The following RAPH1 variants were observed in gnomAD, a reference collection of about 807,000 sequenced individuals.
The protein encoded by RAPH1 is ras-associated and pleckstrin homology domains-containing protein 1.
A neutral mutation model predicts 88.1 loss-of-function variants in RAPH1; 18 were observed. The observed-to-expected ratio is 0.20, with a 90% CI of 0.14 to 0.30. RAPH1 has a LOEUF of 0.30. Ranked by LOEUF, RAPH1 falls within the 10% of genes least tolerant of loss-of-function variation. RAPH1 has a pLI of 1.00. For synonymous variants in RAPH1, 587 were observed against 559.0 expected, an observed-to-expected ratio of 1.05 and a Z score of -0.71; for missense variants, 1,448 against 1,543.2, an observed-to-expected ratio of 0.94 and a Z score of 1.03.
chr2:203,458,143 G>A (rs543263603), intron 7 of RAPH1, among the ~76,000 whole-genome samples: 7 of 152,222 alleles, frequency 4.6e-5, no homozygotes, highest in East Asian at 3.9e-4. Context: ...AGGCCAAGGC[G>A]GGTGGATCAC....
chr2:203,455,704 G>T, intron 8 of RAPH1, 124 bp from the exon 9 acceptor site: 1 of 885,580 alleles, frequency 1.1e-6, no homozygotes, highest in Non-Finnish European at 1.7e-6. Flanking sequence ...AAACCAAGCT[G>T]CTAATTTAAC....
chr2:203,470,041 C>T (rs2098531688), intron 4 of RAPH1, among the ~76,000 whole-genome samples: 1 of 152,064 alleles, frequency 6.6e-6, no homozygotes, highest in Admixed American at 6.6e-5. Context: ...ATGAAAATTA[C>T]TGAAAATATT....
intron 10 of RAPH1, among the ~76,000 whole-genome samples, chr2:203,450,016 TC>T (rs2098513401): frequency 7.0e-6 from 1 of 143,764 alleles, no homozygotes; most frequent in Non-Finnish European, 1.5e-5. Context: ...GAGCGAGACT[TC>T]GTCTCCAAAA....
intron 1 of RAPH1, among the ~76,000 whole-genome samples, chr2:203,529,019 T>A (rs1489612609): frequency 1.5e-5 from 2 of 129,528 alleles, no homozygotes; most frequent in Non-Finnish European, 3.2e-5. Context: ...TTTTTTTTTT[T>A]TTTTTTTTTT....
chr2:203,503,658 A>T (rs970079383), intron 1 of RAPH1, among the ~76,000 whole-genome samples: 1 of 152,164 alleles, frequency 6.6e-6, no homozygotes, highest in Non-Finnish European at 1.5e-5. Context: ...ATGCCTTCCC[A>T]ACAGTCTCCC....
At chr2:203,458,872 C>T (rs973929636) in intron 7 of RAPH1, among the ~76,000 whole-genome samples, 70 of 152,052 alleles carry the variant, frequency 4.6e-4, no homozygotes, top group Non-Finnish European at 9.7e-4. Flanking sequence ...ACACCATTCT[C>T]CTGCCTCAGC....
chr2:203,455,734 C>A (rs978973956), intron 8 of RAPH1, among the ~76,000 whole-genome samples, 154 bp from the exon 9 acceptor site: 1 of 152,038 alleles, frequency 6.6e-6, no homozygotes, highest in Non-Finnish European at 1.5e-5. Context: ...AACTTTCCAG[C>A]CAGGTGTAGT....
chr2:203,505,505 G>C (rs1471292225), intron 1 of RAPH1, among the ~76,000 whole-genome samples: 1 of 151,982 alleles, frequency 6.6e-6, no homozygotes, highest in African/African-American at 2.4e-5. Context: ...GTTGAGATTT[G>C]GGTGGGGACA....
chr2:203,510,837 T>C (rs1689305933), intron 1 of RAPH1, among the ~76,000 whole-genome samples: 2 of 152,144 alleles, frequency 1.3e-5, no homozygotes, highest in African/African-American at 4.8e-5. Flanking sequence ...GGCAGGAGGA[T>C]TGCTTGAGCC....
intron 1 of RAPH1, among the ~76,000 whole-genome samples, chr2:203,506,862 A>ATCTATATATATATCTATATCTATATATC (rs1450716938): frequency 1.3e-5 from 1 of 76,636 alleles, no homozygotes; most frequent in African/African-American, 6.0e-5. Context: ...ATATCTATAT[A>ATCTATATATATATCTATATCTATATATC]TATATATATA....
intron 4 of RAPH1, chr2:203,477,125 T>G: frequency 6.2e-7 from 1 of 1,614,016 alleles, no homozygotes; most frequent in Non-Finnish European, 8.5e-7. Flanking sequence ...ACGCTTGGCC[T>G]GCTTGCTGGA....
chr2:203,470,392 AGTAG>A, intron 4 of RAPH1: 1 of 844,752 alleles, frequency 1.2e-6, no homozygotes, highest in Non-Finnish European at 1.9e-6. Context: ...TAAAACATAA[AGTAG>A]ACAAAGCAAG....
chr2:203,440,620 G>T lies in RAPH1; in HGVS notation c.2570C>A (p.Pro857Gln), dbSNP rs374443910. ...CAKPPPSPLS[P>Q]VPSVVKQIAS... ...TATCTGCTTCACGACCGAGGGCACC[G>T]GTGACAGTGGAGAGGGAGGGGGTTT... The change falls in exon 14 of 14, where the codon CCG (proline) becomes CAG (glutamine). Residue 857 changes from proline (P) to glutamine (Q), a missense_variant. This residue lies in a region of RAPH1 where 935 missense variants were observed against 890.1 expected (regional missense o/e 1.05). Transcript: ENST00000319170. The T allele has an allele frequency of 6.4e-7, 1 of 1,555,794 alleles. No individual in the cohort carries two copies. Among genetic ancestry groups the T allele is most frequent in the African/African-American group, 1.4e-5 (1 of 73,170 alleles).
At chr2:203,488,588 TAAAAAAAAAAAA>T (rs750783858) in intron 4 of RAPH1, among the ~76,000 whole-genome samples, 7 of 36,664 alleles carry the variant, frequency 1.9e-4, no homozygotes, top group East Asian at 1.3e-3. Context: ...CTCCGTCTAT[TAAAAAAAAAAAA>T]AAAAAAAAAA....
intron 1 of RAPH1, among the ~76,000 whole-genome samples, chr2:203,506,746 A>ATATC (rs1689029286): frequency 1.7e-5 from 2 of 118,866 alleles, no homozygotes; most frequent in African/African-American, 8.5e-5. Flanking sequence ...ATATATCTAT[A>ATATC]TATATATATA....
At chr2:203,527,993 G>C (rs1233301146) in intron 1 of RAPH1, among the ~76,000 whole-genome samples, 1 of 152,048 alleles carries the variant, frequency 6.6e-6, no homozygotes, top group Non-Finnish European at 1.5e-5. Context: ...ATGTTGTTAA[G>C]GAGTGATCAT....
At chr2:203,526,266 G>GGGTATATATATGTACCCCATA (rs1245469485) in intron 1 of RAPH1, among the ~76,000 whole-genome samples, 1 of 152,012 alleles carries the variant, frequency 6.6e-6, no homozygotes, top group Non-Finnish European at 1.5e-5. Context: ...AAAATTATAG[G>GGGTATATATATGTACCCCATA]TATATACATT....
Position 203,439,709 on chromosome 2 carries a change from C to T in RAPH1, c.3481G>A (p.Val1161Ile). 1 of 1,614,110 alleles carries T rather than the reference C, an allele frequency of 6.2e-7. No homozygotes were observed. The change falls in exon 14 of 14, where the codon GTC becomes ATC. Residue 1161 changes from valine (V) to isoleucine (I), a missense_variant. Val to Ile is a conservative substitution (Grantham distance 29). Coordinates refer to ENST00000319170, the MANE Select transcript of RAPH1 (RefSeq NM_213589.3). Reference sequence around the variant, plus strand: ...AGGTCAGCCAGGAATCCAGGCTGGACACTAAGGCTGGATTTGGGAGAGGTG... The same window carrying T: ...AGGTCAGCCAGGAATCCAGGCTGGATACTAAGGCTGGATTTGGGAGAGGTG... ...VPTSPKSSLS[V>I]QPGFLADLNR...
At chr2:203,488,920 T>G (rs1688115272) in intron 4 of RAPH1, among the ~76,000 whole-genome samples, 1 of 152,100 alleles carries the variant, frequency 6.6e-6, no homozygotes, top group Admixed American at 6.6e-5. Context: ...GGTCAGGAGT[T>G]CGAGACCAGC....
Sources: gnomAD v4.1 joint callset for allele counts (sites outside exome capture counted in the v4.1 genomes callset) on GRCh38, gnomAD v4.1.1 for gene constraint, gnomAD v4.1.1 regional missense constraint, MANE v1.5 for transcripts, NCBI Gene and HGNC (gene_info 2026-07-23, HGNC 2026-07-21) for gene names.